TGIF1: variants seen among roughly 807,000 people sequenced by gnomAD.
TGIF1 encodes the protein homeobox protein TGIF1.
A neutral mutation model predicts 19.3 loss-of-function variants in TGIF1; 4 were observed. The observed-to-expected ratio is 0.21, with a 90% CI of 0.10 to 0.47. The LOEUF (loss-of-function observed/expected upper bound fraction) is 0.47, where lower values mean the gene tolerates loss of function less well. TGIF1 is among the 20% of genes least tolerant of loss of function. The pLI is 0.98. For synonymous variants in TGIF1, 122 were observed against 129.3 expected, an observed-to-expected ratio of 0.94 and a Z score of 0.38; for missense variants, 275 against 341.4, an observed-to-expected ratio of 0.81 and a Z score of 1.53.
intron 1 of TGIF1, among the ~76,000 whole-genome samples, chr18:3,450,904 A>T (rs1598895339): frequency 6.6e-6 from 1 of 151,910 alleles, no homozygotes; most frequent in Non-Finnish European, 1.5e-5. Context: ...CCCGATCCGG[A>T]CCCAGGCGGC....
At chr18:3,432,085 G>A (rs1462265659) in intron 2 of TGIF1, among the ~76,000 whole-genome samples, 1 of 144,152 alleles carries the variant, frequency 6.9e-6, no homozygotes, top group African/African-American at 2.7e-5. Flanking sequence ...CCGAGATTGT[G>A]CCATTGCACT....
intron 2 of TGIF1, among the ~76,000 whole-genome samples, chr18:3,432,207 C>T (rs1442322333): frequency 6.6e-6 from 1 of 151,140 alleles, no homozygotes; most frequent in South Asian, 2.1e-4. Flanking sequence ...AAATGCACAG[C>T]CTCAATCTAA....
chr18:3,448,043 A>G (rs1598887663), upstream of TGIF1: 1 of 983,162 alleles, frequency 1.0e-6, no homozygotes, highest in East Asian at 1.1e-4. Context: ...GAAGAGGGAA[A>G]CATTTTTGTC....
In TGIF1 at chr18:3,432,765, GT is replaced by G. The variant is rs1170496965; in HGVS notation, c.-45+14561del. Among the ~76,000 whole-genome samples the G allele has an allele frequency of 5.8e-4, 84 of 146,076 alleles. No homozygotes were observed. The East Asian group carries it at 5.8e-3, about 10-fold the overall frequency. ...TCTTCAGACTTTTCTTTTTTTGTTT[GT>G]TTTTTTTTTTGAGATGGAGTTTCAC... On this transcript the variant is annotated intron_variant, in intron 2 of 3. Coordinates refer to the TGIF1 transcript ENST00000401449.
chr18:3,422,682 T>G (rs1598857301), intron 2 of TGIF1, among the ~76,000 whole-genome samples: 1 of 126,506 alleles, frequency 7.9e-6, no homozygotes, highest in African/African-American at 3.0e-5. Flanking sequence ...CCTTTTTTTT[T>G]TTTTTTTTTT....
At chr18:3,443,438 G>A (rs986408884) in intron 2 of TGIF1, among the ~76,000 whole-genome samples, 41 of 150,770 alleles carry the variant, frequency 2.7e-4, no homozygotes, top group African/African-American at 9.5e-4. Flanking sequence ...ATAGGGTTTC[G>A]CTCTTGTCTC....
intron 2 of TGIF1, among the ~76,000 whole-genome samples, chr18:3,428,728 C>A (rs7238830): frequency 0.036 from 5,463 of 151,080 alleles, 339 homozygotes; most frequent in African/African-American, 0.13. Flanking sequence ...CAGAGCAAGA[C>A]TTCATCTCAA....
chr18:3,432,149 A>G (rs1487492176), intron 2 of TGIF1, among the ~76,000 whole-genome samples: 1 of 147,952 alleles, frequency 6.8e-6, no homozygotes, highest in Non-Finnish European at 1.5e-5. Context: ...AAAAAACACT[A>G]AGAAAGCTAA....
At chr18:3,441,566 G>T (rs1172152779) in intron 2 of TGIF1, among the ~76,000 whole-genome samples, 2 of 152,186 alleles carry the variant, frequency 1.3e-5, no homozygotes, top group Admixed American at 6.5e-5. Flanking sequence ...TCCCGACATT[G>T]TCAAATGTTC....
At chr18:3,447,662 G>A, upstream of TGIF1, 3 of 1,562,168 alleles carry the variant, frequency 1.9e-6, no homozygotes, top group South Asian at 3.3e-5. Flanking sequence ...CGGTTGGGCT[G>A]TAAGCTTTCG....
chr18:3,447,653 G>T, upstream of TGIF1: 3 of 1,487,056 alleles, frequency 2.0e-6, no homozygotes, highest in Non-Finnish European at 2.8e-6. Flanking sequence ...CTACGGGAGC[G>T]GTTGGGCTGT....
chr18:3,457,729 T>C lies in TGIF1; in HGVS notation c.608T>C (p.Ile203Thr), dbSNP rs776350048. ...GGACAAAACACAGATATACAGCAGA[T>C]AGCGGCCAAAAACTTCACAGACACC... The part of the protein sequence containing the change: ...GVGQNTDIQQ[I>T]AAKNFTDTSL... Residue 203 changes from isoleucine (I) to threonine (T), a missense_variant, in exon 3 of 3, where the codon ATA (isoleucine) becomes ACA (threonine). Ile to Thr is a moderately conservative substitution (Grantham distance 89, BLOSUM62 -1). Transcript: ENST00000343820. The surrounding 1 kb of genome is among the most constrained non-coding windows in gnomAD (Gnocchi z 4.9). 1.9e-6 allele frequency: 3 copies of C among 1,614,202 alleles called. No homozygotes were observed. The highest frequency in any genetic ancestry group is 1.3e-5 in the African/African-American group (1 of 75,048).
chr18:3,441,129 T>C (rs1374533010), intron 2 of TGIF1, among the ~76,000 whole-genome samples: 1 of 152,224 alleles, frequency 6.6e-6, no homozygotes, highest in Admixed American at 6.5e-5. Context: ...TGTCCAACTT[T>C]TTAAACACAG....
intron 2 of TGIF1, among the ~76,000 whole-genome samples, chr18:3,435,912 G>A (rs561837781): frequency 2.0e-5 from 3 of 152,228 alleles, no homozygotes; most frequent in Admixed American, 6.5e-5. Context: ...CCAGGCTGGA[G>A]TGCAGTGGCA....
intron 1 of TGIF1, chr18:3,452,122 C>G (rs549975622): frequency 6.2e-7 from 1 of 1,613,860 alleles, no homozygotes; most frequent in South Asian, 1.1e-5. Flanking sequence ...GCTTTTCTGG[C>G]GTCCCCCCGA....
intron 2 of TGIF1, among the ~76,000 whole-genome samples, chr18:3,435,961 A>G (rs1049815850): frequency 2.8e-5 from 3 of 108,336 alleles, no homozygotes; most frequent in East Asian, 1.2e-3. Flanking sequence ...CCTGGGCTCA[A>G]ACGATCTTCC....
rs182538013 is a variant in TGIF1, at chr18:3,415,823, A to G, written c.-117-2320A>G. Among the ~76,000 whole-genome samples the G allele has an allele frequency of 1.2e-4, 18 of 152,232 alleles. No individual in the cohort carries two copies. In the East Asian group the frequency reaches 3.3e-3, roughly 28 times the overall value. On this transcript the variant is annotated intron_variant, in intron 1 of 3. Transcript: ENST00000401449. ...TGGTCAGCCTGTCCAAGGATACAACACCCGGTAGACACTACAGAGAGATAA... is the reference window on the plus strand; with the variant it reads ...TGGTCAGCCTGTCCAAGGATACAACGCCCGGTAGACACTACAGAGAGATAA...
intron 2 of TGIF1, among the ~76,000 whole-genome samples, chr18:3,431,677 T>C (rs9948670): frequency 0.54 from 82,749 of 151,880 alleles, 24,290 homozygotes; most frequent in East Asian, 0.92. Flanking sequence ...GAATAGGACA[T>C]CTATCTTGTT....
At chr18:3,445,586 T>C (rs1317178447), upstream of TGIF1, among the ~76,000 whole-genome samples, 2 of 150,038 alleles carry the variant, frequency 1.3e-5, no homozygotes, top group Non-Finnish European at 3.0e-5. Context: ...TAGACGGGCG[T>C]GGTGGCAGGT....
Sources: allele counts gnomAD v4.1 joint callset (sites outside exome capture counted in the v4.1 genomes callset), GRCh38; gene constraint gnomAD v4.1.1; non-coding constraint Gnocchi (gnomAD v3.1); transcripts MANE v1.5; gene names NCBI Gene and HGNC (gene_info 2026-07-23, HGNC 2026-07-21).